AMOTL1: variants seen among roughly 807,000 people sequenced by gnomAD.
AMOTL1 encodes the protein angiomotin-like protein 1.
Under a neutral mutation model 102.9 loss-of-function variants are expected in AMOTL1, and 45 were observed. The observed-to-expected ratio is 0.44, with a 90% confidence interval of 0.34 to 0.56. AMOTL1 has a LOEUF of 0.56. Ranked by LOEUF, AMOTL1 falls within the 20% of genes least tolerant of loss-of-function variation. The pLI is 0.01. For missense variants in AMOTL1, 1,114 were observed against 1,225.6 expected (o/e 0.91, Z 1.36); for synonymous variants, 481 against 484.7 (o/e 0.99, Z 0.10).
chr11:94,855,622 A>G (rs1023028880), intron 8 of AMOTL1, among the ~76,000 whole-genome samples: 11 of 152,272 alleles, frequency 7.2e-5, no homozygotes, highest in African/African-American at 2.6e-4. Context: ...TATGCCGTCC[A>G]CACCCTAAAG....
chr11:94,785,306 G>A (rs946294786), intron 1 of AMOTL1, among the ~76,000 whole-genome samples: 3 of 152,214 alleles, frequency 2.0e-5, no homozygotes, highest in Admixed American at 6.5e-5. Context: ...GGGCAGAATG[G>A]TGTAGTCAAA....
At chr11:94,809,386 G>T (rs1057412882) in intron 3 of AMOTL1, among the ~76,000 whole-genome samples, 3 of 152,220 alleles carry the variant, frequency 2.0e-5, no homozygotes, top group African/African-American at 7.2e-5. Flanking sequence ...GGACAGTGTA[G>T]GACTAGAAGG....
chr11:94,712,783 T>C (rs1950039338), intron 1 of AMOTL1, among the ~76,000 whole-genome samples: 1 of 151,904 alleles, frequency 6.6e-6, no homozygotes, highest in Non-Finnish European at 1.5e-5. Context: ...CACTCTGTAA[T>C]TTTTTATTCT....
intron 9 of AMOTL1, among the ~76,000 whole-genome samples, chr11:94,861,337 T>C (rs970322617): frequency 6.6e-6 from 1 of 152,182 alleles, no homozygotes. Flanking sequence ...GGTTTTTTTT[T>C]CAGCTTTTTG....
At chr11:94,831,355 C>G in intron 5 of AMOTL1, 97 bp from the exon 6 acceptor site, 1 of 999,256 alleles carries the variant, frequency 1.0e-6, no homozygotes, top group Non-Finnish European at 1.5e-6. Flanking sequence ...CTGAGCATCT[C>G]TTCCTCCCCA....
intron 1 of AMOTL1, among the ~76,000 whole-genome samples, chr11:94,786,624 A>G (rs1478357777): frequency 6.6e-6 from 1 of 152,058 alleles, no homozygotes; most frequent in Non-Finnish European, 1.5e-5. Context: ...TTTAAGTTTT[A>G]AGATGTTACT....
chr11:94,777,364 C>T (rs1331375378), intron 1 of AMOTL1, among the ~76,000 whole-genome samples: 1 of 152,052 alleles, frequency 6.6e-6, no homozygotes, highest in Non-Finnish European at 1.5e-5. Flanking sequence ...TAGAGTTGAT[C>T]CTGTATGATA....
upstream of AMOTL1, among the ~76,000 whole-genome samples, chr11:94,765,833 T>A (rs900176368): frequency 6.6e-6 from 1 of 152,226 alleles, no homozygotes; most frequent in African/African-American, 2.4e-5. Context: ...ATTCTGTTAA[T>A]GAACTGATCT....
At chr11:94,854,460 C>T (rs1952617874) in intron 8 of AMOTL1, among the ~76,000 whole-genome samples, 2 of 152,184 alleles carry the variant, frequency 1.3e-5, no homozygotes, top group Middle Eastern at 3.2e-3. Flanking sequence ...CGACATAGCA[C>T]GTCCAGGGTA....
At chr11:94,794,930 C>A in intron 1 of AMOTL1, 81 bp from the exon 2 acceptor site, 2 of 1,434,762 alleles carry the variant, frequency 1.4e-6, no homozygotes, top group Non-Finnish European at 1.9e-6. Flanking sequence ...TGGGAGAATG[C>A]CTGGTGGGTT....
chr11:94,864,904 C>T, intron 10 of AMOTL1, 44 bp downstream of exon 10: 2 of 1,590,960 alleles, frequency 1.3e-6, no homozygotes, highest in Non-Finnish European at 1.7e-6. Context: ...GCTGCATTCA[C>T]ACTCCAGGCC....
chr11:94,738,560 T>G (rs1217308633), intron 2 of AMOTL1, among the ~76,000 whole-genome samples: 1 of 152,090 alleles, frequency 6.6e-6, no homozygotes, highest in African/African-American at 2.4e-5. Context: ...GCCCAGCCAA[T>G]TTTGTGCTTC....
chr11:94,805,074 G>T (rs540372580), intron 3 of AMOTL1, among the ~76,000 whole-genome samples: 1 of 152,342 alleles, frequency 6.6e-6, no homozygotes, highest in East Asian at 1.9e-4. Context: ...GGAATGCTTT[G>T]CTGCACACTG....
intron 2 of AMOTL1, among the ~76,000 whole-genome samples, chr11:94,737,061 C>A (rs1051739654): frequency 3.0e-4 from 46 of 152,204 alleles, no homozygotes; most frequent in African/African-American, 4.8e-5. Flanking sequence ...TTCTCATTAA[C>A]CCTCAGTTGA....
In AMOTL1 at chr11:94,871,608, A is replaced by G. The variant is rs1301007695; in HGVS notation, c.*813A>G. Reference sequence around the variant, plus strand: ...TGTCATCATTCCTACTGTGTTTGATAGTGACCAGTAGGACAAAGCCACGTG... The same window carrying G: ...TGTCATCATTCCTACTGTGTTTGATGGTGACCAGTAGGACAAAGCCACGTG... On this transcript the variant is annotated 3_prime_UTR_variant, in exon 13 of 13. Transcript: ENST00000433060. 6.6e-6 allele frequency: 1 copy of G among 152,196 alleles called. No individual in the cohort carries two copies. The highest frequency in any genetic ancestry group is 1.9e-4 in the East Asian group (1 of 5,194). The allele number at this position is 152,196 out of a possible 1,614,324, so 9.4% of individuals were successfully genotyped here. A position where few individuals can be genotyped will look rare whatever the true frequency, so the allele number is the denominator to read the frequency against.
intron 1 of AMOTL1, among the ~76,000 whole-genome samples, chr11:94,783,636 C>A (rs758936769): frequency 3.9e-5 from 6 of 152,306 alleles, no homozygotes; most frequent in Non-Finnish European, 7.3e-5. Context: ...TGTGTGTGTG[C>A]TTTGAGATGA....
intron 3 of AMOTL1, among the ~76,000 whole-genome samples, chr11:94,753,084 G>A (rs1230767967): frequency 1.3e-5 from 2 of 152,180 alleles, no homozygotes; most frequent in East Asian, 3.8e-4. Context: ...CTGAGTATTT[G>A]CTGTGAACTA....
rs781648838 is a variant in AMOTL1 at position 94,854,102 on chromosome 11, C to T, written c.1944+20C>T. ...CAGCAGGTAAGGAACTGGGCATGGA[C>T]TGGTGAAAGAATTAGATATGTTCAC... is the stretch of plus-strand genomic sequence containing the variant. On this transcript the variant is annotated intron_variant, in intron 8 of 12. Transcript: ENST00000433060. The T allele has an allele frequency of 2.0e-6, 3 of 1,517,306 alleles. No individual in the cohort carries two copies. Among genetic ancestry groups the T allele is most frequent in the Non-Finnish European group, 2.7e-6 (3 of 1,128,234 alleles). 94.0% of individuals were successfully genotyped at this position (1,517,306 alleles called of 1,614,324 possible).
At chr11:94,822,245 T>C (rs1395858555) in intron 4 of AMOTL1, among the ~76,000 whole-genome samples, 1 of 152,134 alleles carries the variant, frequency 6.6e-6, no homozygotes, top group Non-Finnish European at 1.5e-5. Flanking sequence ...CCTGGGAGTT[T>C]GAGACCAGCC....
Sources: gnomAD v4.1 joint callset for allele counts (sites outside exome capture counted in the v4.1 genomes callset) on GRCh38, gnomAD v4.1.1 for gene constraint, MANE v1.5 for transcripts, NCBI Gene and HGNC (gene_info 2026-07-23, HGNC 2026-07-21) for gene names.